Variants in SCNN1G observed in about 807,000 individuals in gnomAD.
SCNN1G encodes the protein epithelial sodium channel subunit gamma.
SCNN1G carries 27 observed loss-of-function variants against 64.6 expected under a neutral mutation model. The observed-to-expected ratio is 0.42, with a 90% CI of 0.31 to 0.58. The LOEUF (loss-of-function observed/expected upper bound fraction) is 0.58. Ranked by LOEUF, SCNN1G falls within the 20% of genes least tolerant of loss-of-function variation. The probability of loss-of-function intolerance (pLI) is 0.18; values close to 1 mark genes in which losing one functional copy is unlikely to be tolerated. For synonymous variants in SCNN1G, 330 were observed against 314.2 expected (o/e 1.05, Z -0.53); for missense variants, 743 against 823.4 (o/e 0.90, Z 1.19).
At chr16:23,195,001 T>C (rs1441039689) in intron 5 of SCNN1G, 1 of 152,586 alleles carries the variant, frequency 6.6e-6, no homozygotes, top group Non-Finnish European at 1.5e-5. Flanking sequence ...CTTCTCTCCA[T>C]GTCCTCAGAT....
In SCNN1G at chr16:23,215,286, G is replaced by A. The variant is rs769160915; in HGVS notation, c.1767G>A (p.Gln589=). 1.2e-6 allele frequency: 2 copies of A among 1,614,198 alleles called. No homozygotes were observed. The highest frequency in any genetic ancestry group is 2.2e-5 in the South Asian group (2 of 91,080). Reference sequence around the variant, plus strand: ...GTCCAGAAGCTCCCCGTAGCCCACAGGGCCAGGACAATCCAGCCCTGGATA... The same window carrying A: ...GTCCAGAAGCTCCCCGTAGCCCACAAGGCCAGGACAATCCAGCCCTGGATA... The part of the protein sequence containing the change: ...PPCPEAPRSP[Q]GQDNPALDID... Residue 589 remains glutamine, a synonymous_variant, in exon 13 of 13, where the codon CAG becomes CAA. Transcript: ENST00000300061.
chr16:23,193,709 T>C (rs1959749418), intron 4 of SCNN1G, among the ~76,000 whole-genome samples: 2 of 152,126 alleles, frequency 1.3e-5, no homozygotes, highest in East Asian at 3.9e-4. Flanking sequence ...CACCTATCTG[T>C]ATATGTTAGC....
intron 6 of SCNN1G, among the ~76,000 whole-genome samples, chr16:23,202,969 G>T (rs1396725925): frequency 6.6e-6 from 1 of 152,140 alleles, no homozygotes; most frequent in African/African-American, 2.4e-5. Context: ...AAAACCTTGG[G>T]GGGTAATTGT....
chr16:23,215,560 C>G lies in SCNN1G; in HGVS notation c.*91C>G, dbSNP rs537167253. ...CCCCCAGACGTGTGCACAGGGGACC[C>G]TCTGCCCCACTCTGGGCTTTTCAGA... On this transcript the variant is annotated 3_prime_UTR_variant, in exon 13 of 13. Transcript: ENST00000300061. The G allele has an allele frequency of 6.8e-7, 1 of 1,467,874 alleles. No individual in the cohort carries two copies. The highest frequency in any genetic ancestry group is 1.7e-5 in the Admixed American group (1 of 59,108). 90.9% of individuals were successfully genotyped at this position (1,467,874 alleles called of 1,614,324 possible). A position where few individuals can be genotyped will look rare whatever the true frequency, so the allele number is the denominator to read the frequency against.
rs745923891 is a variant in SCNN1G at position 23,194,225 on chromosome 16, CAGAGAA to C, written c.866_871del (p.Arg289_Glu290del). 1 of 1,613,976 alleles carries C rather than the reference CAGAGAA, an allele frequency of 6.2e-7. No homozygotes were observed. Among genetic ancestry groups the C allele is most frequent in the South Asian group, 1.1e-5 (1 of 91,078 alleles). On this transcript the variant is annotated inframe_deletion, in exon 5 of 13. Transcript: ENST00000300061. ...ATGGGAATTGCTATACTTTCAACAA[CAGAGAA>C]AATGAGACCATTCTCAGCACCTCCA...
intron 3 of SCNN1G, among the ~76,000 whole-genome samples, chr16:23,190,823 T>C (rs973974803): frequency 6.7e-6 from 1 of 148,836 alleles, no homozygotes; most frequent in African/African-American, 2.5e-5. Flanking sequence ...TTGGTCCCAT[T>C]TGAGGGGATT....
chr16:23,192,241 C>T, intron 3 of SCNN1G, 111 bp from the exon 4 acceptor site: 1 of 899,850 alleles, frequency 1.1e-6, no homozygotes, highest in South Asian at 1.3e-5. Flanking sequence ...AGATATCCAA[C>T]CTGTTCCCCT....
chr16:23,207,508 A>C (rs1250257734), intron 6 of SCNN1G, among the ~76,000 whole-genome samples: 1 of 152,182 alleles, frequency 6.6e-6, no homozygotes, highest in African/African-American at 2.4e-5. Flanking sequence ...CCCTGCATGC[A>C]TTTGCTACCC....
rs149635780 is a variant in SCNN1G, at chr16:23,213,273, T to TTTTTTA, written c.1493+110_1493+111insTTTTTA. 2.3e-5 allele frequency: 16 copies of TTTTTTA among 703,868 alleles called. 1 individual carries two copies. Among genetic ancestry groups the TTTTTTA allele is most frequent in the East Asian group, 5.4e-5 (2 of 36,912 alleles). 43.6% of individuals were successfully genotyped at this position (703,868 alleles called of 1,614,324 possible). A position where few individuals can be genotyped will look rare whatever the true frequency, so the allele number is the denominator to read the frequency against. The stretch of plus-strand genomic sequence containing the variant: ...TCCTCTTTTTTTTTTTTTTTTTTTT[T>TTTTTTA]ATGGAGTCTTACTCTGTCACCCAGG... On this transcript the variant is annotated intron_variant, in intron 11 of 12. Coordinates refer to ENST00000300061, the MANE Select transcript of SCNN1G (RefSeq NM_001039.4).
intron 6 of SCNN1G, among the ~76,000 whole-genome samples, chr16:23,199,772 T>C (rs1338413819): frequency 6.9e-6 from 1 of 144,550 alleles, no homozygotes; most frequent in African/African-American, 2.6e-5. Context: ...CCCAGGTTCA[T>C]GCCACTCTCC....
At chr16:23,195,594 T>C (rs1016451536) in intron 5 of SCNN1G, among the ~76,000 whole-genome samples, 1 of 152,210 alleles carries the variant, frequency 6.6e-6, no homozygotes, top group Admixed American at 6.5e-5. Context: ...TCAGTGCACA[T>C]ATTTCATGGG....
intron 6 of SCNN1G, among the ~76,000 whole-genome samples, chr16:23,198,754 A>G (rs1176476208): frequency 6.6e-6 from 1 of 151,664 alleles, no homozygotes; most frequent in African/African-American, 2.4e-5. Flanking sequence ...CAAACAAACA[A>G]ACAAAAACTG....
rs558789898 is a variant in SCNN1G, at chr16:23,207,187, G to A, written c.1078-2563G>A. Among the ~76,000 whole-genome samples the A allele has an allele frequency of 1.3e-4, 20 of 152,364 alleles. No homozygotes were observed. In the East Asian group the frequency reaches 3.9e-3, roughly 29 times the overall value. On this transcript the variant is annotated intron_variant, in intron 6 of 12. Transcript: ENST00000300061. ...TCAGTTTCCTGGAAGCAGGCCATGG[G>A]CTGGTTTTCAGGGTAGAGGGAGCCC...
At chr16:23,197,119 C>G (rs1199771199) in intron 5 of SCNN1G, 145 bp from the exon 6 acceptor site, 1 of 718,132 alleles carries the variant, frequency 1.4e-6, no homozygotes, top group Non-Finnish European at 2.5e-6. Flanking sequence ...TCTCACGGAG[C>G]TTCCAGTCTA....
At chr16:23,184,414 T>C (rs1644970743) in intron 1 of SCNN1G, among the ~76,000 whole-genome samples, 1 of 152,204 alleles carries the variant, frequency 6.6e-6, no homozygotes, top group Non-Finnish European at 1.5e-5. Context: ...TTTTTCTTTC[T>C]TTCCTTCTTC....
chr16:23,197,313 C>T lies in SCNN1G; in HGVS notation c.963C>T (p.Leu321=), dbSNP rs755460991. The T allele has an allele frequency of 1.9e-6, 3 of 1,613,796 alleles. No individual in the cohort carries two copies. Among genetic ancestry groups the T allele is most frequent in the Admixed American group, 3.3e-5 (2 of 60,018 alleles). ...ACGAAGAGGAATACAACCCATTCCT[C>T]GTGTCCTCCACTGGAGCTAAGGTGA... The part of the protein sequence containing the change: ...YINEEEYNPF[L]VSSTGAKVII... The change falls in exon 6 of 13, where the codon CTC becomes CTT. Residue 321 remains leucine (L), a synonymous_variant. Transcript: ENST00000300061.
At chr16:23,189,807 C>T (rs543224704) in intron 3 of SCNN1G, 136 bp downstream of exon 3, 52 of 931,228 alleles carry the variant, frequency 5.6e-5, no homozygotes, top group African/African-American at 3.9e-4. Flanking sequence ...CACAGTGACT[C>T]ATGCTTGTAA....
At chr16:23,212,513 C>T (rs1211073227) in intron 8 of SCNN1G, among the ~76,000 whole-genome samples, 165 bp from the exon 9 acceptor site, 2 of 152,226 alleles carry the variant, frequency 1.3e-5, no homozygotes, top group Non-Finnish European at 2.9e-5. Context: ...CCATTGCTTT[C>T]TGTTTCCCAA....
chr16:23,197,320 T>C lies in SCNN1G; in HGVS notation c.970T>C (p.Ser324Pro). 1 of 1,613,862 alleles carries C rather than the reference T, an allele frequency of 6.2e-7. No individual in the cohort carries two copies. The highest frequency in any genetic ancestry group is 8.5e-7 in the Non-Finnish European group (1 of 1,179,730). ...EEEYNPFLVS[S>P]TGAKVIIHRQ... ...GGAATACAACCCATTCCTCGTGTCCTCCACTGGAGCTAAGGTGATCATCCA... is the reference window on the plus strand; with the variant it reads ...GGAATACAACCCATTCCTCGTGTCCCCCACTGGAGCTAAGGTGATCATCCA... The change falls in exon 6 of 13, where the codon TCC (serine) becomes CCC (proline). Residue 324 changes from serine to proline, a missense_variant. Transcript: ENST00000300061.
Sources: allele counts gnomAD v4.1 joint callset (sites outside exome capture counted in the v4.1 genomes callset), GRCh38; gene constraint gnomAD v4.1.1; transcripts MANE v1.5; gene names NCBI Gene and HGNC (gene_info 2026-07-23, HGNC 2026-07-21).